NLGN1: variants seen among roughly 807,000 people sequenced by gnomAD.
NLGN1 encodes the protein neuroligin-1.
NLGN1 carries 12 observed loss-of-function variants against 65.5 expected under a neutral mutation model. The ratio of observed to expected loss-of-function variants is 0.18; its 90% CI spans 0.12 to 0.30. The LOEUF is 0.30. Among genes scored for constraint, NLGN1 ranks in the 10% least tolerant of loss-of-function variants. The probability of loss-of-function intolerance (pLI) is 1.00; values close to 1 mark genes in which losing one functional copy is unlikely to be tolerated. For missense variants in NLGN1, 750 were observed against 1,007.1 expected (o/e 0.74, Z 3.46); for synonymous variants, 350 against 359.5 (o/e 0.97, Z 0.30).
chr3:174,181,164 G>A (rs1311399472), intron 4 of NLGN1, among the ~76,000 whole-genome samples: 1 of 151,942 alleles, frequency 6.6e-6, no homozygotes, highest in Non-Finnish European at 1.5e-5. Flanking sequence ...ACTCCTCCTG[G>A]CCCTGCATAC....
At chr3:174,148,271 A>T (rs1723709194) in intron 4 of NLGN1, among the ~76,000 whole-genome samples, 1 of 152,226 alleles carries the variant, frequency 6.6e-6, no homozygotes, top group South Asian at 2.1e-4. Context: ...TTAGTAGCTT[A>T]GATTACACGT....
At position 173,435,568 on chromosome 3, in the gene NLGN1, C is replaced by T. The variant is rs377349832; in HGVS notation, c.-321+490C>T. ...AAAAAATGTAGGCTGGGTGCGGTGG[C>T]ACACGCCTGTAATCCCAGCACTTTG... On this transcript the variant is annotated intron_variant, in intron 2 of 6. Coordinates refer to ENST00000457714, the Ensembl canonical transcript of NLGN1. Among the ~76,000 whole-genome samples, 387 of 152,210 alleles carry T rather than the reference C, an allele frequency of 2.5e-3. 4 individuals are homozygous for T. The highest frequency in any genetic ancestry group is 9.0e-3 in the African/African-American group (374 of 41,524).
Position 174,279,446 on chromosome 3 carries a change from C to T in NLGN1, c.1445C>T (p.Pro482Leu), listed in dbSNP as rs771031523. 1 of 1,613,214 alleles carries T rather than the reference C, an allele frequency of 6.2e-7. No individual in the cohort carries two copies. Among genetic ancestry groups the T allele is most frequent in the Non-Finnish European group, 8.5e-7 (1 of 1,179,552 alleles). Residue 482 changes from proline to leucine, a missense_variant, in exon 6 of 7, where the codon CCT (proline) becomes CTT (leucine). Coordinates refer to ENST00000457714, the Ensembl canonical transcript of NLGN1. The surrounding 1 kb of genome is among the most constrained non-coding windows in gnomAD (Gnocchi z 4.7). ...GATCTTCACTCAAACTTTGGTTCAC[C>T]TACGTACTTCTATGCCTTTTACCAT...
chr3:174,106,172 T>A (rs1713746266), intron 4 of NLGN1, among the ~76,000 whole-genome samples: 1 of 152,178 alleles, frequency 6.6e-6, no homozygotes, highest in Non-Finnish European at 1.5e-5. Flanking sequence ...TTAACTTATG[T>A]TAGAATCTAG....
At chr3:174,155,026 A>T (rs1377132290) in intron 4 of NLGN1, among the ~76,000 whole-genome samples, 4 of 129,422 alleles carry the variant, frequency 3.1e-5, no homozygotes, top group Admixed American at 8.0e-5. Flanking sequence ...AAATATATAA[A>T]ATTATAATAA....
chr3:173,823,220 A>G (rs1362799975), intron 4 of NLGN1, among the ~76,000 whole-genome samples: 4 of 152,084 alleles, frequency 2.6e-5, no homozygotes, highest in African/African-American at 4.8e-5. Flanking sequence ...TGTTTCTTAT[A>G]TAAATCTCTC....
intron 3 of NLGN1, among the ~76,000 whole-genome samples, chr3:173,675,376 A>G (rs546224566): frequency 7.2e-5 from 11 of 152,248 alleles, no homozygotes; most frequent in African/African-American, 2.4e-4. Flanking sequence ...AGCCAGCTCA[A>G]TCTTCAAAAT....
intron 3 of NLGN1, among the ~76,000 whole-genome samples, chr3:173,650,069 C>A (rs1004669970): frequency 1.3e-5 from 2 of 151,878 alleles, no homozygotes; most frequent in Admixed American, 1.3e-4. Flanking sequence ...ATACTTATTT[C>A]TTATTTCTCA....
chr3:173,869,351 G>A (rs762767821), intron 4 of NLGN1, among the ~76,000 whole-genome samples: 7 of 152,128 alleles, frequency 4.6e-5, no homozygotes, highest in Admixed American at 1.3e-4. Context: ...TTAGTAAAGA[G>A]ATCCATCAAC....
intron 4 of NLGN1, among the ~76,000 whole-genome samples, chr3:174,011,773 T>G: frequency 6.6e-6 from 1 of 152,268 alleles, no homozygotes; most frequent in East Asian, 1.9e-4. Flanking sequence ...TCAATAATAT[T>G]TATAGAAATT....
In NLGN1 at chr3:173,509,614, T is replaced by C. The variant is rs184940336; in HGVS notation, c.-321+74536T>C. Among the ~76,000 whole-genome samples, 126 of 152,254 alleles carry C rather than the reference T, an allele frequency of 8.3e-4. 2 individuals carry two copies. Among genetic ancestry groups the C allele is most frequent in the Non-Finnish European group, 1.6e-3 (111 of 68,028 alleles). ...AGCCAGGGTGATGGGAGCGAGACCC[T>C]GTCTCAGAAAATAAATGAATAAATT... On this transcript the variant is annotated intron_variant, in intron 2 of 6. Transcript: ENST00000457714.
chr3:173,611,156 T>C (rs1221091856), intron 3 of NLGN1, among the ~76,000 whole-genome samples: 1 of 152,038 alleles, frequency 6.6e-6, no homozygotes, highest in East Asian at 1.9e-4. Context: ...TTTCAATTGT[T>C]TGATGTGTAA....
upstream of NLGN1, among the ~76,000 whole-genome samples, chr3:173,397,207 G>A (rs1716758843): frequency 6.6e-6 from 1 of 152,140 alleles, no homozygotes; most frequent in African/African-American, 2.4e-5. Context: ...CAGTGGAGGA[G>A]ATTCGCCTTC....
intron 3 of NLGN1, among the ~76,000 whole-genome samples, chr3:173,717,584 G>A (rs911242615): frequency 1.9e-4 from 29 of 152,096 alleles, no homozygotes; most frequent in Non-Finnish European, 2.9e-4. Flanking sequence ...TACAGGCAAT[G>A]AATTGTATTT....
At chr3:174,083,417 A>T (rs976525825) in intron 4 of NLGN1, among the ~76,000 whole-genome samples, 10 of 152,182 alleles carry the variant, frequency 6.6e-5, no homozygotes, top group Non-Finnish European at 1.2e-4. Context: ...GTAGGTAGTA[A>T]ATATGTATTA....
chr3:173,686,771 G>C (rs554810217), intron 3 of NLGN1, among the ~76,000 whole-genome samples: 2 of 152,146 alleles, frequency 1.3e-5, no homozygotes, highest in Middle Eastern at 6.8e-3. Flanking sequence ...TGGCCAACAT[G>C]GTGAAACCCC....
At chr3:173,711,572 T>G (rs1768997560) in intron 3 of NLGN1, among the ~76,000 whole-genome samples, 1 of 152,210 alleles carries the variant, frequency 6.6e-6, no homozygotes, top group African/African-American at 2.4e-5. Flanking sequence ...GCATCAAAGC[T>G]CATTAGTTTC....
chr3:173,839,789 A>T (rs1389577109), intron 4 of NLGN1, among the ~76,000 whole-genome samples: 1 of 152,158 alleles, frequency 6.6e-6, no homozygotes, highest in Admixed American at 6.5e-5. Context: ...TGCTTAAAGC[A>T]CTCAAACATT....
intron 4 of NLGN1, among the ~76,000 whole-genome samples, chr3:174,108,202 A>G (rs1714389548): frequency 6.6e-6 from 1 of 152,068 alleles, no homozygotes; most frequent in African/African-American, 2.4e-5. Flanking sequence ...TAGTATGTCT[A>G]AGAACTATTT....
Sources: gnomAD v4.1 joint callset for allele counts (sites outside exome capture counted in the v4.1 genomes callset) on GRCh38, gnomAD v4.1.1 for gene constraint, Gnocchi (gnomAD v3.1) non-coding constraint, MANE v1.5 for transcripts, NCBI Gene and HGNC (gene_info 2026-07-23, HGNC 2026-07-21) for gene names.